Variants in CSMD1 observed in about 807,000 individuals in gnomAD.
CSMD1 encodes CUB and Sushi multiple domains 1, also known as CUB and sushi domain-containing protein 1.
CSMD1 carries 213 observed loss-of-function variants against 417.5 expected under a neutral mutation model. The observed-to-expected ratio is 0.51, with a 90% CI of 0.46 to 0.57. CSMD1 has a LOEUF of 0.57. Ranked by LOEUF, CSMD1 falls within the 20% of genes least tolerant of loss-of-function variation. The probability of loss-of-function intolerance (pLI) is 0.00; values close to 1 mark genes in which losing one functional copy is unlikely to be tolerated. For missense variants in CSMD1, 6,923 were observed against 4,529.7 expected, an observed-to-expected ratio of 1.53 and a Z score of -15.17; for synonymous variants, 2,862 against 1,736.8, an observed-to-expected ratio of 1.65 and a Z score of -16.11.
chr8:4,824,527 A>G (rs958727199), intron 1 of CSMD1, among the ~76,000 whole-genome samples: 2 of 152,178 alleles, frequency 1.3e-5, no homozygotes, highest in Admixed American at 1.3e-4. Flanking sequence ...TATTTTGGGA[A>G]TACAAGAAAG....
chr8:4,118,767 G>C (rs371488875), intron 3 of CSMD1, among the ~76,000 whole-genome samples: 3 of 152,058 alleles, frequency 2.0e-5, no homozygotes, highest in African/African-American at 4.8e-5. Flanking sequence ...AATATGAATC[G>C]TTCTACTATA....
chr8:4,348,622 G>A (rs1433378844), intron 3 of CSMD1, among the ~76,000 whole-genome samples: 3 of 139,090 alleles, frequency 2.2e-5, no homozygotes, highest in Admixed American at 7.1e-5. Context: ...GGGTGGGGGA[G>A]GGAGGGGAGA....
intron 26 of CSMD1, among the ~76,000 whole-genome samples, chr8:3,255,893 C>G (rs1014258626): frequency 6.6e-6 from 1 of 152,180 alleles, no homozygotes; most frequent in Admixed American, 6.5e-5. Context: ...CTTTCCGACA[C>G]TCGCCAGTGA....
chr8:3,967,312 G>C (rs1292379814), intron 5 of CSMD1, among the ~76,000 whole-genome samples: 2 of 151,976 alleles, frequency 1.3e-5, no homozygotes, highest in African/African-American at 4.8e-5. Flanking sequence ...CCTTACACCT[G>C]AATGGAAATG....
intron 1 of CSMD1, among the ~76,000 whole-genome samples, chr8:4,894,956 G>A (rs1209731267): frequency 6.6e-6 from 1 of 152,164 alleles, no homozygotes; most frequent in East Asian, 1.9e-4. Flanking sequence ...AAATGGCTGA[G>A]GTTCAGGGCT....
At chr8:3,763,343 A>G (rs1315015073) in intron 5 of CSMD1, among the ~76,000 whole-genome samples, 2 of 152,108 alleles carry the variant, frequency 1.3e-5, no homozygotes, top group Non-Finnish European at 2.9e-5. Flanking sequence ...TGTTGGTGTC[A>G]TGGGGGCAGA....
chr8:3,974,842 G>C (rs1215461093), intron 5 of CSMD1, among the ~76,000 whole-genome samples: 2 of 151,992 alleles, frequency 1.3e-5, no homozygotes, highest in African/African-American at 4.8e-5. Flanking sequence ...TGTTTTACCA[G>C]AGTAAGATAT....
chr8:4,814,471 T>A (rs938721851), intron 1 of CSMD1, among the ~76,000 whole-genome samples: 2 of 152,204 alleles, frequency 1.3e-5, no homozygotes, highest in African/African-American at 4.8e-5. Flanking sequence ...GATCTCGAAC[T>A]CCTAAAGTCA....
chr8:4,949,828 C>T (rs767907217), intron 1 of CSMD1, among the ~76,000 whole-genome samples: 2 of 152,094 alleles, frequency 1.3e-5, no homozygotes, highest in Non-Finnish European at 2.9e-5. Context: ...ATCTGAAGGA[C>T]AGGATATATA....
intron 5 of CSMD1, among the ~76,000 whole-genome samples, chr8:3,919,152 G>A (rs968724096): frequency 2.6e-5 from 3 of 115,318 alleles, no homozygotes; most frequent in African/African-American, 6.5e-5. Context: ...CACTTCTTTT[G>A]ATTTGGTTGC....
intron 2 of CSMD1, among the ~76,000 whole-genome samples, chr8:4,441,599 T>C (rs995716620): frequency 6.6e-6 from 1 of 152,190 alleles, no homozygotes; most frequent in African/African-American, 2.4e-5. Flanking sequence ...TCAATACATT[T>C]GATAATGCTG....
rs542562048 is a variant in CSMD1 at position 4,581,122 on chromosome 8, G to A, written c.302+56220C>T. On this transcript the variant is annotated intron_variant, in intron 2 of 69. Transcript: ENST00000635120. ...CAAATAATATTAACTGAAAATGAAC[G>A]GTAGAAAGAATCTTTAGTCAAGGAT... Among the ~76,000 whole-genome samples the A allele has an allele frequency of 6.6e-4, 101 of 152,156 alleles. 1 individual carries two copies. Among genetic ancestry groups the A allele is most frequent in the Non-Finnish European group, 1.2e-3 (80 of 67,996 alleles).
chr8:4,369,455 G>A (rs867566595), intron 3 of CSMD1, among the ~76,000 whole-genome samples: 26 of 152,068 alleles, frequency 1.7e-4, no homozygotes, highest in Admixed American at 3.3e-4. Flanking sequence ...TGTCTCTGAC[G>A]TATAATTAGT....
At chr8:4,980,111 A>G (rs1810799751) in intron 1 of CSMD1, among the ~76,000 whole-genome samples, 2 of 152,336 alleles carry the variant, frequency 1.3e-5, no homozygotes, top group African/African-American at 4.8e-5. Flanking sequence ...CCTCAAATAA[A>G]TTATCGTTAC....
chr8:4,260,859 A>T (rs903484739), intron 3 of CSMD1, among the ~76,000 whole-genome samples: 2 of 152,150 alleles, frequency 1.3e-5, no homozygotes, highest in African/African-American at 4.8e-5. Flanking sequence ...TTTTTGTTAG[A>T]AAGACAAATC....
chr8:4,923,958 T>C (rs1248182062), intron 1 of CSMD1, among the ~76,000 whole-genome samples: 3 of 152,208 alleles, frequency 2.0e-5, no homozygotes, highest in African/African-American at 7.2e-5. Flanking sequence ...ATTCTCAACC[T>C]TGCATCTGAA....
At chr8:4,878,847 G>A (rs540796640) in intron 1 of CSMD1, among the ~76,000 whole-genome samples, 8 of 151,668 alleles carry the variant, frequency 5.3e-5, no homozygotes, top group African/African-American at 1.2e-4. Flanking sequence ...ATATGTCACC[G>A]AGACTTGCAG....
chr8:2,959,735 T>G (rs1313892885), intron 62 of CSMD1, among the ~76,000 whole-genome samples: 2 of 152,126 alleles, frequency 1.3e-5, no homozygotes, highest in African/African-American at 2.4e-5. Context: ...TTTGTGTAAG[T>G]AAGGTTTCAG....
chr8:4,205,859 A>C (rs1158168733), intron 3 of CSMD1, among the ~76,000 whole-genome samples: 1 of 152,172 alleles, frequency 6.6e-6, no homozygotes, highest in Non-Finnish European at 1.5e-5. Flanking sequence ...AACATCAAAA[A>C]ACAGAAAATG....
Sources: gnomAD v4.1 joint callset for allele counts (sites outside exome capture counted in the v4.1 genomes callset) on GRCh38, gnomAD v4.1.1 for gene constraint, MANE v1.5 for transcripts, NCBI Gene and HGNC (gene_info 2026-07-23, HGNC 2026-07-21) for gene names.